CDH23: variants seen among roughly 807,000 people sequenced by gnomAD.
CDH23 encodes cadherin related 23.
In CDH23, 189 loss-of-function variants were observed where a neutral mutation model predicts 317.1. The observed-to-expected ratio is 0.60, with a 90% CI of 0.53 to 0.67. The LOEUF (loss-of-function observed/expected upper bound fraction) is 0.67. CDH23 is among the 30% of genes least tolerant of loss of function. The probability of loss-of-function intolerance (pLI) is 0.00; values close to 1 mark genes in which losing one functional copy is unlikely to be tolerated. For synonymous variants in CDH23, 1,839 were observed against 1,876.8 expected, an observed-to-expected ratio of 0.98 and a Z score of 0.52; for missense variants, 4,401 against 4,592.4, an observed-to-expected ratio of 0.96 and a Z score of 1.20.
intron 16 of CDH23, among the ~76,000 whole-genome samples, chr10:71,678,282 C>T (rs1369007504): frequency 1.3e-5 from 2 of 152,098 alleles, no homozygotes; most frequent in African/African-American, 2.4e-5. Context: ...GCCACAGAGA[C>T]CATGGAGTGC....
intron 6 of CDH23, among the ~76,000 whole-genome samples, chr10:71,534,751 G>A (rs188690065): frequency 2.0e-5 from 3 of 152,324 alleles, no homozygotes; most frequent in Non-Finnish European, 2.9e-5. Context: ...TCTGAGAATG[G>A]CAGTTGCTGC....
chr10:71,646,336 G>A (rs998269820), intron 13 of CDH23, 123 bp from the exon 14 acceptor site: 4 of 1,443,544 alleles, frequency 2.8e-6, no homozygotes, highest in Non-Finnish European at 3.8e-6. Context: ...AGCTGGGATG[G>A]GCAGAGACTC....
At chr10:71,812,443 T>TAC in intron 66 of CDH23, 37 bp from the exon 67 acceptor site, 3 of 1,538,032 alleles carry the variant, frequency 2.0e-6, no homozygotes, top group Non-Finnish European at 2.7e-6. Flanking sequence ...ACTCGAGCCT[T>TAC]CCCTCCCTCC....
chr10:71,734,957 C>G (rs1457509530), intron 34 of CDH23, among the ~76,000 whole-genome samples: 4 of 152,254 alleles, frequency 2.6e-5, no homozygotes, highest in Admixed American at 2.0e-4. Flanking sequence ...AGCTCCACTC[C>G]TCGATGGCTG....
intron 9 of CDH23, among the ~76,000 whole-genome samples, chr10:71,594,180 A>T (rs965054274): frequency 3.3e-5 from 5 of 152,288 alleles, no homozygotes; most frequent in African/African-American, 1.2e-4. Context: ...GTTAAGCAAA[A>T]TGTTATCCCC....
intron 14 of CDH23, among the ~76,000 whole-genome samples, chr10:71,667,961 G>A (rs996608730): frequency 6.6e-6 from 1 of 152,134 alleles, no homozygotes; most frequent in African/African-American, 2.4e-5. Flanking sequence ...CAGCCAGACT[G>A]CCCCATCCTT....
intron 3 of CDH23, among the ~76,000 whole-genome samples, chr10:71,475,540 C>G (rs1851746853): frequency 6.6e-6 from 1 of 152,228 alleles, no homozygotes; most frequent in African/African-American, 2.4e-5. Context: ...TCAGGCGTGA[C>G]AGATTTGACT....
intron 18 of CDH23, among the ~76,000 whole-genome samples, chr10:71,685,900 A>G (rs369480578): frequency 6.6e-6 from 1 of 152,194 alleles, no homozygotes; most frequent in East Asian, 1.9e-4. Context: ...CCTCCACCAA[A>G]AGGATTTTCT....
At chr10:71,743,841 A>G (rs1393101313) in intron 38 of CDH23, among the ~76,000 whole-genome samples, 2 of 152,208 alleles carry the variant, frequency 1.3e-5, no homozygotes, top group African/African-American at 4.8e-5. Context: ...TTCTACAGAG[A>G]ATGTGGATTT....
At chr10:71,466,633 G>A (rs1019582285) in intron 3 of CDH23, among the ~76,000 whole-genome samples, 21 of 152,164 alleles carry the variant, frequency 1.4e-4, no homozygotes, top group African/African-American at 5.1e-4. Flanking sequence ...CAGTGTATGT[G>A]CGAGTGTATC....
chr10:71,638,379 A>T (rs910839230), intron 11 of CDH23, among the ~76,000 whole-genome samples: 1 of 152,204 alleles, frequency 6.6e-6, no homozygotes, highest in African/African-American at 2.4e-5. Context: ...GTGCCTCAGG[A>T]TGGGGAGGGC....
intron 32 of CDH23, among the ~76,000 whole-genome samples, chr10:71,733,338 G>T (rs1839453074): frequency 6.6e-6 from 1 of 152,274 alleles, no homozygotes; most frequent in African/African-American, 2.4e-5. Context: ...GTAGTTCAGG[G>T]ATGTCTATGG....
chr10:71,813,324 C>T lies in CDH23; in HGVS notation c.9714C>T (p.Ser3238=). The stretch of plus-strand genomic sequence containing the variant: ...CACAGCGGATGGTGCAAAAAGCCTC[C>T]TCCTGCCACTCCTCCATCTCTGAGG... ...LFAQRMVQKA[S]SCHSSISELI... The change falls in exon 69 of 70, where the codon TCC becomes TCT. Residue 3238 remains serine, a synonymous_variant. Coordinates refer to ENST00000224721, the MANE Select transcript of CDH23 (RefSeq NM_022124.6). 6.4e-7 allele frequency: 1 copy of T among 1,551,612 alleles called. No individual in the cohort carries two copies. Among genetic ancestry groups the T allele is most frequent in the Non-Finnish European group, 8.7e-7 (1 of 1,146,990 alleles).
At chr10:71,613,102 G>T (rs567185639) in intron 9 of CDH23, among the ~76,000 whole-genome samples, 1 of 152,148 alleles carries the variant, frequency 6.6e-6, no homozygotes, top group South Asian at 2.1e-4. Context: ...GCCCATCTCC[G>T]CCTCCCAAAG....
intron 28 of CDH23, 149 bp from the exon 29 acceptor site, chr10:71,723,896 T>C (rs1168832419): frequency 9.5e-6 from 8 of 842,280 alleles, no homozygotes; most frequent in Non-Finnish European, 1.6e-5. Flanking sequence ...CACGTCCCCT[T>C]GTCTCCCACA....
chr10:71,452,306 C>T (rs889548970), intron 3 of CDH23, among the ~76,000 whole-genome samples: 7 of 152,236 alleles, frequency 4.6e-5, no homozygotes, highest in South Asian at 2.1e-4. Flanking sequence ...ACCCCATGCC[C>T]TGGAGGGGGG....
At chr10:71,543,026 T>A (rs1458760038) in intron 6 of CDH23, among the ~76,000 whole-genome samples, 2 of 152,232 alleles carry the variant, frequency 1.3e-5, no homozygotes, top group Non-Finnish European at 2.9e-5. Context: ...GAGGCCAGCG[T>A]TGCAGTGCTC....
intron 11 of CDH23, among the ~76,000 whole-genome samples, chr10:71,620,747 G>A (rs115983246): frequency 6.8e-4 from 103 of 152,322 alleles, no homozygotes; most frequent in African/African-American, 2.5e-3. Flanking sequence ...AGCCAATGAG[G>A]AGAGGCAGCC....
chr10:71,714,120 G>T (rs1446428821), intron 28 of CDH23: 1 of 152,110 alleles, frequency 6.6e-6, no homozygotes, highest in African/African-American at 2.4e-5. Flanking sequence ...AGGTCCTCTT[G>T]GTAAGTTTCT....
Sources: gnomAD v4.1 joint callset for allele counts (sites outside exome capture counted in the v4.1 genomes callset) on GRCh38, gnomAD v4.1.1 for gene constraint, MANE v1.5 for transcripts, NCBI Gene and HGNC (gene_info 2026-07-23, HGNC 2026-07-21) for gene names.